Variants in PROM1 observed in about 807,000 individuals in gnomAD.
PROM1 encodes prominin-1.
PROM1 carries 105 observed loss-of-function variants against 116.9 expected under a neutral mutation model. The observed-to-expected ratio is 0.90, with a 90% CI of 0.77 to 1.06. The LOEUF (loss-of-function observed/expected upper bound fraction) is 1.06, where lower values mean the gene tolerates loss of function less well. Among genes scored for constraint, PROM1 ranks in the 50% least tolerant of loss-of-function variants. PROM1 has a pLI of 0.00. For synonymous variants in PROM1, 393 were observed against 387.0 expected (o/e 1.02, Z -0.18); for missense variants, 1,122 against 1,045.2 (o/e 1.07, Z -1.01).
intron 17 of PROM1, 95 bp downstream of exon 17, chr4:15,992,153 A>C (rs1288393430): frequency 6.7e-7 from 1 of 1,498,144 alleles, no homozygotes; most frequent in Admixed American, 1.9e-5. Context: ...CATCATGTGA[A>C]TCTCATCTTA....
At chr4:15,972,790 A>G (rs1472458572) in intron 26 of PROM1, among the ~76,000 whole-genome samples, 1 of 152,214 alleles carries the variant, frequency 6.6e-6, no homozygotes, top group Admixed American at 6.5e-5. Context: ...ATGACATCTG[A>G]GACTCTCCTG....
chr4:16,041,785 AATATATATAT>A lies in PROM1; in HGVS notation c.221-2794_221-2785del, dbSNP rs200674323. On this transcript the variant is annotated intron_variant, in intron 2 of 27. Coordinates refer to ENST00000447510, the MANE Select transcript of PROM1 (RefSeq NM_006017.3). ...AAATAAATAAATAAATAAATAAATA[AATATATATAT>A]ATATATATATATGAAAGGCTGAGAG... 4.0e-4 allele frequency among the ~76,000 whole-genome samples: 15 copies of A among 37,628 alleles called. No individual in the cohort carries two copies. The East Asian group carries it at 5.5e-3, about 14-fold the overall frequency. 24.7% of individuals were successfully genotyped at this position (37,628 alleles called of 152,430 possible).
At chr4:15,994,267 C>T (rs576620020) in intron 15 of PROM1, among the ~76,000 whole-genome samples, 196 bp from the exon 16 acceptor site, 1 of 152,340 alleles carries the variant, frequency 6.6e-6, no homozygotes, top group South Asian at 2.1e-4. Flanking sequence ...GCTTTACTAA[C>T]AGTCCTGTTC....
chr4:15,971,284 G>C, intron 26 of PROM1: 2 of 542,984 alleles, frequency 3.7e-6, no homozygotes, highest in South Asian at 5.4e-5. Context: ...AAACAGCATA[G>C]AAGATAAAGA....
intron 2 of PROM1, among the ~76,000 whole-genome samples, chr4:16,062,058 A>AT (rs1242629194): frequency 2.0e-5 from 3 of 151,382 alleles, no homozygotes; most frequent in East Asian, 1.9e-4. Flanking sequence ...CGCCCGGCTA[A>AT]TTTTTTTGTA....
At chr4:16,052,002 G>A (rs1370529230) in intron 2 of PROM1, among the ~76,000 whole-genome samples, 1 of 152,202 alleles carries the variant, frequency 6.6e-6, no homozygotes, top group Non-Finnish European at 1.5e-5. Flanking sequence ...TGAAAAGGGA[G>A]GGAATGAAAT....
chr4:15,985,228 T>A (rs1226984183), intron 22 of PROM1, among the ~76,000 whole-genome samples: 1 of 152,212 alleles, frequency 6.6e-6, no homozygotes, highest in African/African-American at 2.4e-5. Context: ...CAGGAGGATG[T>A]GCATAGGTTA....
chr4:16,070,392 CT>C (rs1742538536), intron 2 of PROM1, among the ~76,000 whole-genome samples: 1 of 152,038 alleles, frequency 6.6e-6, no homozygotes, highest in Admixed American at 6.6e-5. Context: ...GCAGAGGGGA[CT>C]TTGTTATTAT....
At chr4:16,021,118 T>C (rs1729748738) in intron 8 of PROM1, among the ~76,000 whole-genome samples, 2 of 128,512 alleles carry the variant, frequency 1.6e-5, no homozygotes, top group African/African-American at 2.9e-5. Flanking sequence ...AAAAAAATGC[T>C]GGAGTAGTTT....
At chr4:16,010,057 C>A (rs1726526719) in intron 11 of PROM1, among the ~76,000 whole-genome samples, 1 of 151,608 alleles carries the variant, frequency 6.6e-6, no homozygotes, top group South Asian at 2.1e-4. Flanking sequence ...TAAAATTTTA[C>A]CTGACTGATA....
intron 24 of PROM1, 48 bp downstream of exon 24, chr4:15,980,374 C>T (rs1717495818): frequency 6.4e-6 from 8 of 1,246,410 alleles, no homozygotes; most frequent in African/African-American, 1.5e-5. Flanking sequence ...TTGAAGACAG[C>T]ACCACCTAGA....
chr4:16,022,354 G>A (rs145473222), intron 8 of PROM1, among the ~76,000 whole-genome samples: 1 of 152,314 alleles, frequency 6.6e-6, no homozygotes, highest in African/African-American at 2.4e-5. Flanking sequence ...TGTTGTTCGT[G>A]ATGTTATTGT....
chr4:16,014,514 C>T (rs189374292), intron 10 of PROM1, among the ~76,000 whole-genome samples: 22 of 152,212 alleles, frequency 1.4e-4, no homozygotes, highest in African/African-American at 4.8e-4. Flanking sequence ...CTTACTTTGT[C>T]GGTAAGTAAG....
At chr4:16,005,341 C>T (rs984686873) in intron 13 of PROM1, among the ~76,000 whole-genome samples, 1 of 152,100 alleles carries the variant, frequency 6.6e-6, no homozygotes, top group Non-Finnish European at 1.5e-5. Context: ...CCCTGGTAGA[C>T]CTCAGGTCAT....
At chr4:16,083,060 G>T (rs1001863001) in intron 1 of PROM1, among the ~76,000 whole-genome samples, 1 of 151,968 alleles carries the variant, frequency 6.6e-6, no homozygotes, top group South Asian at 2.1e-4. Context: ...CCACGGACGC[G>T]GGGAGATGGC....
chr4:15,978,432 A>C (rs1387472680), intron 26 of PROM1, among the ~76,000 whole-genome samples: 2 of 152,212 alleles, frequency 1.3e-5, no homozygotes, highest in African/African-American at 4.8e-5. Flanking sequence ...TTACTAGGTA[A>C]TATTGCTTAA....
intron 15 of PROM1, among the ~76,000 whole-genome samples, chr4:15,997,870 T>A (rs532749915): frequency 6.6e-6 from 1 of 152,064 alleles, no homozygotes; most frequent in South Asian, 2.1e-4. Context: ...AACCCCAGGG[T>A]CAGATTCCTA....
At chr4:15,978,998 G>A (rs1560384769) in intron 26 of PROM1, among the ~76,000 whole-genome samples, 1 of 140,450 alleles carries the variant, frequency 7.1e-6, no homozygotes, top group Non-Finnish European at 1.5e-5. Flanking sequence ...AAAAAAGGAA[G>A]GAAGGAAGGA....
intron 13 of PROM1, chr4:16,003,414 T>C: frequency 4.4e-6 from 2 of 456,728 alleles, no homozygotes; most frequent in Admixed American, 2.3e-5. Flanking sequence ...GCCCTTGCTA[T>C]ATAGCCTGAC....
Sources: gnomAD v4.1 joint callset for allele counts (sites outside exome capture counted in the v4.1 genomes callset) on GRCh38, gnomAD v4.1.1 for gene constraint, MANE v1.5 for transcripts, NCBI Gene and HGNC (gene_info 2026-07-23, HGNC 2026-07-21) for gene names.